The following TEAD3 variants were observed in gnomAD, a reference collection of about 807,000 sequenced individuals.
TEAD3 encodes the protein TEA domain transcription factor 3.
TEAD3 carries 15 observed loss-of-function variants against 55.6 expected under a neutral mutation model. The ratio of observed to expected loss-of-function variants is 0.27; its 90% CI spans 0.18 to 0.42. The LOEUF (loss-of-function observed/expected upper bound fraction) is 0.42. TEAD3 is among the 10% of genes least tolerant of loss of function. The pLI is 1.00. For synonymous variants in TEAD3, 210 were observed against 232.2 expected (o/e 0.90, Z 0.87); for missense variants, 407 against 576.8 (o/e 0.71, Z 3.01).
At position 35,490,851 on chromosome 6, in the gene TEAD3, G is replaced by C. The variant is rs1768500317; in HGVS notation, c.-49-4140C>G. Among the ~76,000 whole-genome samples, 3 of 152,194 alleles carry C rather than the reference G, an allele frequency of 2.0e-5. No individual in the cohort carries two copies. In the South Asian group the frequency reaches 6.2e-4, roughly 31 times the overall value. Reference sequence around the variant, plus strand: ...GCTTGGTGGAGGGGTGGGACATCTAGAGAAAGCTGACTGCGGGCGAGAGGG... The same window carrying C: ...GCTTGGTGGAGGGGTGGGACATCTACAGAAAGCTGACTGCGGGCGAGAGGG... On this transcript the variant is annotated intron_variant, in intron 1 of 12. Coordinates refer to ENST00000639578, the Ensembl canonical transcript of TEAD3.
At chr6:35,479,715 T>C (rs1768228918) in intron 4 of TEAD3, among the ~76,000 whole-genome samples, 1 of 152,168 alleles carries the variant, frequency 6.6e-6, no homozygotes, top group Non-Finnish European at 1.5e-5. Context: ...GACAGCCAGC[T>C]CTGCAAGGAA....
chr6:35,478,350 G>C, intron 6 of TEAD3, 26 bp from the exon 7 acceptor site: 1 of 1,613,706 alleles, frequency 6.2e-7, no homozygotes, highest in Middle Eastern at 1.7e-4. Context: ...AAGGCCCAGG[G>C]GCCCCTCAGC....
Position 35,484,176 on chromosome 6 carries a change from G to A in TEAD3, c.267+384C>T, listed in dbSNP as rs568414581. On this transcript the variant is annotated intron_variant, in intron 3 of 12. Coordinates refer to ENST00000639578, the Ensembl canonical transcript of TEAD3. This position sits in a 1 kb window ranked among gnomAD's most constrained non-coding sequence, Gnocchi z 5.8. Reference sequence around the variant, plus strand: ...CCTGCACCCACCCTCTCTCAGCCCCGCCACCTTGCTCTGTACCCATCCATC... The same window carrying A: ...CCTGCACCCACCCTCTCTCAGCCCCACCACCTTGCTCTGTACCCATCCATC... Among the ~76,000 whole-genome samples the A allele has an allele frequency of 2.3e-4, 35 of 152,186 alleles. No homozygotes were observed. Among genetic ancestry groups the A allele is most frequent in the Non-Finnish European group, 3.8e-4 (26 of 67,986 alleles).
Position 35,494,275 on chromosome 6 carries a change from G to A in TEAD3, c.-50+2623C>T, listed in dbSNP as rs78258916. On this transcript the variant is annotated intron_variant, in intron 1 of 12. Transcript: ENST00000639578. ...CTGGCAGGGAGCACAGGAAACAATC[G>A]GCACTCTAGGAAACCCCAAGGGCTG... Among the ~76,000 whole-genome samples the A allele has an allele frequency of 1.4e-3, 208 of 152,282 alleles. 6 individuals carry two copies. The East Asian group carries it at 0.037, about 27-fold the overall frequency.
intron 7 of TEAD3, 66 bp from the exon 8 acceptor site, chr6:35,477,438 C>G (rs1353338856): frequency 2.0e-6 from 3 of 1,483,628 alleles, no homozygotes; most frequent in Non-Finnish European, 9.1e-7. Context: ...GGCCCAGCCC[C>G]TCTTCCAAGA....
chr6:35,491,463 C>A lies in TEAD3; in HGVS notation c.-49-4752G>T, dbSNP rs1322985387. Among the ~76,000 whole-genome samples the A allele has an allele frequency of 6.6e-6, 1 of 152,066 alleles. No homozygotes were observed. The highest frequency in any genetic ancestry group is 6.5e-5 in the Admixed American group (1 of 15,274). On this transcript the variant is annotated intron_variant, in intron 1 of 12. Transcript: ENST00000639578. This position sits in a 1 kb window ranked among gnomAD's most constrained non-coding sequence, Gnocchi z 4.4. ...AAGGACAGAGACCCAGAGGCCAAGG[C>A]AAAACAGAGGGAGGGAGTGACAAGG...
At chr6:35,478,284 G>A (rs1768195133) in exon 7 of TEAD3, 1 of 1,613,628 alleles carries the variant, frequency 6.2e-7, no homozygotes, top group South Asian at 1.1e-5. Flanking sequence ...CTCCTGAGAG[G>A]GTCCAGGCTG....
intron 1 of TEAD3, among the ~76,000 whole-genome samples, chr6:35,490,188 G>GC (rs1166122311): frequency 5.9e-5 from 9 of 152,242 alleles, no homozygotes; most frequent in Admixed American, 1.3e-4. Context: ...GCAGGCTGTG[G>GC]CCCCCCCTTC....
chr6:35,483,672 A>C lies in TEAD3; in HGVS notation c.267+888T>G, dbSNP rs1203659149. The stretch of plus-strand genomic sequence containing the variant: ...TTGAGGGCCTTCCTCAACAGCTGCC[A>C]CCTGTCACTCCCTGCTCCATACCCT... On this transcript the variant is annotated intron_variant, in intron 3 of 12. Transcript: ENST00000639578. The surrounding 1 kb of genome is among the most constrained non-coding windows in gnomAD (Gnocchi z 4.5). Among the ~76,000 whole-genome samples the C allele has an allele frequency of 6.6e-6, 1 of 151,914 alleles. No individual in the cohort carries two copies. Among genetic ancestry groups the C allele is most frequent in the Non-Finnish European group, 1.5e-5 (1 of 67,974 alleles).
chr6:35,475,284 A>G lies in TEAD3; in HGVS notation c.1194+52T>C. 1.2e-6 allele frequency: 2 copies of G among 1,607,532 alleles called. No individual in the cohort carries two copies. The highest frequency in any genetic ancestry group is 1.7e-6 in the Non-Finnish European group (2 of 1,175,934). On this transcript the variant is annotated intron_variant, in intron 12 of 12. Coordinates refer to ENST00000639578, the Ensembl canonical transcript of TEAD3. This position sits in a 1 kb window ranked among gnomAD's most constrained non-coding sequence, Gnocchi z 5.4. ...GCCAAGCGATGTGTCTGGCTACCCA[A>G]CTTGGAGGCCCTGGCCTGTGGGACT... is the stretch of plus-strand genomic sequence containing the variant.
chr6:35,474,116 C>T (rs866047647), downstream of TEAD3: 26 of 152,210 alleles, frequency 1.7e-4, no homozygotes, highest in African/African-American at 5.1e-4. Context: ...TACTCTCTCC[C>T]TCTGGGCCTC....
Position 35,486,800 on chromosome 6 carries a change from C to T in TEAD3, c.-49-89G>A, listed in dbSNP as rs908362448. ...CACAGCCGCTGGCTCTGGAGCTCCG[C>T]CCCCAGCCCCAAGCCCACCCTAGGA... is the stretch of plus-strand genomic sequence containing the variant. On this transcript the variant is annotated intron_variant, in intron 1 of 12. Coordinates refer to ENST00000639578, the Ensembl canonical transcript of TEAD3. The surrounding 1 kb of genome is among the most constrained non-coding windows in gnomAD (Gnocchi z 7.3). 25 of 925,926 alleles carry T rather than the reference C, an allele frequency of 2.7e-5. No homozygotes were observed. The highest frequency in any genetic ancestry group is 4.0e-5 in the Non-Finnish European group (25 of 629,122). 57.4% of individuals were successfully genotyped at this position (925,926 alleles called of 1,614,324 possible). A position where few individuals can be genotyped will look rare whatever the true frequency, so the allele number is the denominator to read the frequency against.
rs115762096 is a variant in TEAD3, at chr6:35,485,749, G to A, written c.202+712C>T. ...TGGGCGTGGCCAAGGGACACGGAGC[G>A]GACCTGATCCCTTCCCACAGGCGCG... On this transcript the variant is annotated intron_variant, in intron 2 of 12. Coordinates refer to ENST00000639578, the Ensembl canonical transcript of TEAD3. The surrounding 1 kb of genome is among the most constrained non-coding windows in gnomAD (Gnocchi z 4.3). 3.2e-3 allele frequency among the ~76,000 whole-genome samples: 484 copies of A among 152,288 alleles called. No homozygotes were observed. The highest frequency in any genetic ancestry group is 7.3e-3 in the African/African-American group (303 of 41,570).
chr6:35,486,846 G>A lies in TEAD3; in HGVS notation c.-49-135C>T, dbSNP rs1001406407. The A allele has an allele frequency of 2.8e-5, 18 of 633,568 alleles. No individual in the cohort carries two copies. Among genetic ancestry groups the A allele is most frequent in the Non-Finnish European group, 8.1e-6 (3 of 368,426 alleles). 39.2% of individuals were successfully genotyped at this position (633,568 alleles called of 1,614,324 possible). A position where few individuals can be genotyped will look rare whatever the true frequency, so the allele number is the denominator to read the frequency against. On this transcript the variant is annotated intron_variant, in intron 1 of 12. Coordinates refer to ENST00000639578, the Ensembl canonical transcript of TEAD3. This position sits in a 1 kb window ranked among gnomAD's most constrained non-coding sequence, Gnocchi z 7.3. ...TAGGAGCAGGTGCTCCAGGTGGAAC[G>A]GAGGTAACCAGAGGAACAACCACAG...
rs1768524391 is a variant in TEAD3, at chr6:35,491,740, C to G, written c.-49-5029G>C. Among the ~76,000 whole-genome samples, 1 of 152,172 alleles carries G rather than the reference C, an allele frequency of 6.6e-6. No individual in the cohort carries two copies. The highest frequency in any genetic ancestry group is 1.5e-5 in the Non-Finnish European group (1 of 68,016). ...CCCTCAGCCTTTCAGGCTCAGAAGG[C>G]CTCTGGGTGGAGGCAGGGATGGGGG... On this transcript the variant is annotated intron_variant, in intron 1 of 12. Transcript: ENST00000639578. This position sits in a 1 kb window ranked among gnomAD's most constrained non-coding sequence, Gnocchi z 4.4.
intron 5 of TEAD3, 46 bp downstream of exon 5, chr6:35,479,259 T>G: frequency 6.2e-7 from 1 of 1,609,100 alleles, no homozygotes; most frequent in Non-Finnish European, 8.5e-7. Context: ...TATTAGGTGT[T>G]AAGACCCTTT....
chr6:35,480,404 G>A (rs1170614291), intron 3 of TEAD3, 30 bp from the exon 4 acceptor site: 1 of 1,612,358 alleles, frequency 6.2e-7, no homozygotes, highest in Admixed American at 1.7e-5. Flanking sequence ...CCGCCAGAGA[G>A]GAAAACATAG....
chr6:35,478,830 A>G (rs1252540056), intron 5 of TEAD3, among the ~76,000 whole-genome samples: 1 of 150,156 alleles, frequency 6.7e-6, no homozygotes, highest in African/African-American at 2.5e-5. Context: ...AGGCCAATAT[A>G]TGTCAAGATA....
chr6:35,496,276 AC>A lies in TEAD3; in HGVS notation c.-50+621del, dbSNP rs1243114761. ...CTCAGGGCTGGAACTCTGAATCAGC[AC>A]CCCGACGCAGGCGGCAGAACTGAAG... is the stretch of plus-strand genomic sequence containing the variant. On this transcript the variant is annotated intron_variant, in intron 1 of 12. Transcript: ENST00000639578. This position sits in a 1 kb window ranked among gnomAD's most constrained non-coding sequence, Gnocchi z 4.8. 6.6e-6 allele frequency among the ~76,000 whole-genome samples: 1 copy of A among 152,012 alleles called. No homozygotes were observed. The highest frequency in any genetic ancestry group is 6.5e-5 in the Admixed American group (1 of 15,272).
Sources: allele counts gnomAD v4.1 joint callset (sites outside exome capture counted in the v4.1 genomes callset), GRCh38; gene constraint gnomAD v4.1.1; non-coding constraint Gnocchi (gnomAD v3.1); transcripts MANE v1.5; gene names NCBI Gene and HGNC (gene_info 2026-07-23, HGNC 2026-07-21).